Variants in ERBB4 observed in about 807,000 individuals in gnomAD.
The protein encoded by ERBB4 is erb-b2 receptor tyrosine kinase 4, also known as receptor tyrosine-protein kinase erbB-4.
A neutral mutation model predicts 158.0 loss-of-function variants in ERBB4; 42 were observed. That is an observed-to-expected ratio of 0.27 (90% CI 0.21 to 0.34). The LOEUF is 0.34. ERBB4 is among the 10% of genes least tolerant of loss of function. ERBB4 has a pLI of 1.00. For synonymous variants in ERBB4, 583 were observed against 558.7 expected (o/e 1.04, Z -0.61); for missense variants, 1,333 against 1,624.1 (o/e 0.82, Z 3.08).
chr2:211,707,567 G>A (rs150398980), intron 9 of ERBB4, among the ~76,000 whole-genome samples: 175 of 152,008 alleles, frequency 1.2e-3, no homozygotes, highest in African/African-American at 3.8e-3. Context: ...ACCCTTTCTT[G>A]CCAGTGTCTC....
rs546992268 is a variant in ERBB4, at chr2:211,861,620, T to A, written c.422-73461A>T. On this transcript the variant is annotated intron_variant, in intron 3 of 27. Coordinates refer to ENST00000342788, the MANE Select transcript of ERBB4 (RefSeq NM_005235.3). The stretch of plus-strand genomic sequence containing the variant: ...TGAATTGTTTTTATAATTTTCTTCA[T>A]CTCTCACAGGTGATACATGCACAAT... Among the ~76,000 whole-genome samples, 114 of 152,238 alleles carry A rather than the reference T, an allele frequency of 7.5e-4. 1 individual carries two copies. Among genetic ancestry groups the A allele is most frequent in the African/African-American group, 2.7e-3 (111 of 41,554 alleles).
intron 2 of ERBB4, among the ~76,000 whole-genome samples, chr2:212,074,468 G>T (rs946822641): frequency 6.6e-6 from 1 of 151,830 alleles, no homozygotes; most frequent in Non-Finnish European, 1.5e-5. Flanking sequence ...TTTAATAGAA[G>T]ATCATAATGC....
chr2:211,980,623 T>C (rs2081764079), intron 2 of ERBB4, among the ~76,000 whole-genome samples: 1 of 152,184 alleles, frequency 6.6e-6, no homozygotes. Context: ...TATTTGTACA[T>C]TTTATAGATG....
At chr2:212,486,293 A>T (rs1443713492) in intron 1 of ERBB4, among the ~76,000 whole-genome samples, 1 of 145,686 alleles carries the variant, frequency 6.9e-6, no homozygotes, top group Non-Finnish European at 1.5e-5. Context: ...ACATGAAGCT[A>T]AAATATCTAC....
At chr2:212,386,620 G>A (rs1043112375) in intron 1 of ERBB4, among the ~76,000 whole-genome samples, 1 of 149,262 alleles carries the variant, frequency 6.7e-6, no homozygotes, top group Non-Finnish European at 1.5e-5. Flanking sequence ...TCTCCTCTGG[G>A]ACAAATTACC....
intron 20 of ERBB4, among the ~76,000 whole-genome samples, chr2:211,513,782 C>T (rs924448970): frequency 2.0e-5 from 3 of 151,960 alleles, no homozygotes; most frequent in East Asian, 3.9e-4. Context: ...GCTCAGGGCT[C>T]CAGACTACTA....
At chr2:212,219,666 G>A (rs959361954) in intron 1 of ERBB4, among the ~76,000 whole-genome samples, 2 of 151,140 alleles carry the variant, frequency 1.3e-5, no homozygotes, top group Admixed American at 6.6e-5. Context: ...GCTAGAAAGA[G>A]CCAATGGACA....
rs67894136 is a variant in ERBB4 at position 211,713,654 on chromosome 2, T to TA, written c.884-7dup. 0.033 allele frequency: 39,465 copies of TA among 1,211,070 alleles called. No homozygotes were observed. Among genetic ancestry groups the TA allele is most frequent in the East Asian group, 0.041 (1,561 of 37,670 alleles). The allele number at this position is 1,211,070 out of a possible 1,614,324, so 75.0% of individuals were successfully genotyped here. ...GGAATCTACCACAAAGTTATCTGAT[T>TA]AAAAAAAAAAAAAAGGTAAAATAAG... is the stretch of plus-strand genomic sequence containing the variant. On this transcript the variant is annotated splice_polypyrimidine_tract_variant and splice_region_variant and intron_variant, in intron 7 of 27. Transcript: ENST00000342788.
intron 4 of ERBB4, among the ~76,000 whole-genome samples, chr2:211,755,751 A>G (rs908495997): frequency 6.6e-6 from 1 of 152,210 alleles, no homozygotes; most frequent in Admixed American, 6.5e-5. Context: ...TCACAAATTC[A>G]TCTAGAAGTT....
intron 12 of ERBB4, among the ~76,000 whole-genome samples, chr2:211,690,941 C>T (rs1454182564): frequency 6.6e-6 from 1 of 152,054 alleles, no homozygotes; most frequent in South Asian, 2.1e-4. Flanking sequence ...TTCCAGCTGT[C>T]TGTTAAAAAT....
chr2:211,570,486 T>C (rs2067690900), intron 19 of ERBB4, among the ~76,000 whole-genome samples: 1 of 151,714 alleles, frequency 6.6e-6, no homozygotes, highest in African/African-American at 2.4e-5. Flanking sequence ...TTTAATTTCT[T>C]ACTGATGCTT....
rs529981606 is a variant in ERBB4 at position 211,854,486 on chromosome 2, T to C, written c.422-66327A>G. The stretch of plus-strand genomic sequence containing the variant: ...TCCTTTTGTGTCCCTTCACAATTGC[T>C]ACATCCTCACCTTTCAACAGGCAAT... On this transcript the variant is annotated intron_variant, in intron 3 of 27. Transcript: ENST00000342788. Among the ~76,000 whole-genome samples, 16 of 152,274 alleles carry C rather than the reference T, an allele frequency of 1.1e-4. No homozygotes were observed. The East Asian group carries it at 2.9e-3, about 28-fold the overall frequency.
intron 2 of ERBB4, among the ~76,000 whole-genome samples, chr2:212,001,488 C>T (rs138260565): frequency 7.6e-4 from 116 of 152,202 alleles, no homozygotes; most frequent in African/African-American, 2.5e-3. Context: ...AAAGGCTATG[C>T]GAGGATTTCT....
chr2:212,320,155 A>G (rs1005356887), intron 1 of ERBB4, among the ~76,000 whole-genome samples: 2 of 148,130 alleles, frequency 1.4e-5, no homozygotes, highest in Non-Finnish European at 3.0e-5. Flanking sequence ...AAAAAGTCTG[A>G]TATGTTCTGA....
chr2:211,487,702 G>A (rs1288820030), intron 20 of ERBB4, among the ~76,000 whole-genome samples: 1 of 152,062 alleles, frequency 6.6e-6, no homozygotes, highest in Admixed American at 6.6e-5. Flanking sequence ...TATCATAAAA[G>A]GAGGTGGTAC....
chr2:211,626,530 TACTAAGAAA>T (rs1288223748), intron 17 of ERBB4, among the ~76,000 whole-genome samples: 3 of 152,192 alleles, frequency 2.0e-5, no homozygotes, highest in Admixed American at 6.5e-5. Flanking sequence ...TATTTTCTTT[TACTAAGAAA>T]AAGATAGGGA....
chr2:212,454,154 T>C (rs978423025), intron 1 of ERBB4, among the ~76,000 whole-genome samples: 1 of 152,170 alleles, frequency 6.6e-6, no homozygotes, highest in Non-Finnish European at 1.5e-5. Context: ...TTGGCCAGGC[T>C]GGTCTCAAAC....
intron 3 of ERBB4, among the ~76,000 whole-genome samples, chr2:211,825,862 AT>A (rs1261686053): frequency 6.8e-6 from 1 of 147,450 alleles, no homozygotes; most frequent in Non-Finnish European, 1.5e-5. Flanking sequence ...ATTATATTAT[AT>A]TAATCTACAA....
intron 2 of ERBB4, among the ~76,000 whole-genome samples, chr2:211,991,220 C>A (rs563095700): frequency 6.6e-6 from 1 of 151,778 alleles, no homozygotes; most frequent in Non-Finnish European, 1.5e-5. Flanking sequence ...CAAGAGTGAA[C>A]AAAATATTAT....
Sources: allele counts gnomAD v4.1 joint callset (sites outside exome capture counted in the v4.1 genomes callset), GRCh38; gene constraint gnomAD v4.1.1; transcripts MANE v1.5; gene names NCBI Gene and HGNC (gene_info 2026-07-23, HGNC 2026-07-21).